The following PAPOLG variants were observed in gnomAD, a reference collection of about 807,000 sequenced individuals.
The protein encoded by PAPOLG is poly(A) polymerase gamma, also known as PAP-gamma.
A neutral mutation model predicts 99.0 loss-of-function variants in PAPOLG; 40 were observed. That is an observed-to-expected ratio of 0.40 (90% CI 0.31 to 0.53). PAPOLG has a LOEUF of 0.53. Ranked by LOEUF, PAPOLG falls within the 20% of genes least tolerant of loss-of-function variation. The pLI is 0.41. For missense variants in PAPOLG, 675 were observed against 884.1 expected, an observed-to-expected ratio of 0.76 and a Z score of 3.00; for synonymous variants, 310 against 299.3, an observed-to-expected ratio of 1.04 and a Z score of -0.37.
chr2:60,785,836 C>T (rs1305666028), intron 13 of PAPOLG, among the ~76,000 whole-genome samples: 1 of 151,872 alleles, frequency 6.6e-6, no homozygotes, highest in Admixed American at 6.6e-5. Flanking sequence ...CCTGGCCTAG[C>T]CTAGCCTTAG....
At chr2:60,788,981 G>T (rs931213578) in intron 15 of PAPOLG, among the ~76,000 whole-genome samples, 1 of 152,146 alleles carries the variant, frequency 6.6e-6, no homozygotes. Flanking sequence ...GTGACAAAGT[G>T]AGATACTATG....
At chr2:60,779,552 C>G in intron 8 of PAPOLG, 85 bp from the exon 9 acceptor site, 2 of 1,398,070 alleles carry the variant, frequency 1.4e-6, no homozygotes, top group Non-Finnish European at 1.9e-6. Flanking sequence ...CACGGATATT[C>G]ATTCACCTTG....
At position 60,797,155 on chromosome 2, in the gene PAPOLG, C is replaced by T. The variant is rs751102317; in HGVS notation, c.2206C>T (p.Arg736Trp). ...IKNSIRLTLNR is the reference protein window; with the variant it reads ...IKNSIRLTLNW Reference sequence around the variant, plus strand: ...AAATTCCATTCGACTGACCCTTAATCGGTAAAAGCAGTGCCTCCTCACTTA... The same window carrying T: ...AAATTCCATTCGACTGACCCTTAATTGGTAAAAGCAGTGCCTCCTCACTTA... The change falls in exon 22 of 22, where the codon CGG (arginine) becomes TGG (tryptophan). Residue 736 changes from arginine (R) to tryptophan (W), a missense_variant. Arg to Trp is a moderately radical substitution (Grantham distance 101). This residue lies in a region of PAPOLG where 413 missense variants were observed against 460.5 expected (regional missense o/e 0.90). Transcript: ENST00000238714. 6.2e-6 allele frequency: 10 copies of T among 1,613,894 alleles called. No individual in the cohort carries two copies. Among genetic ancestry groups the T allele is most frequent in the East Asian group, 4.5e-5 (2 of 44,880 alleles).
intron 13 of PAPOLG, 180 bp from the exon 14 acceptor site, chr2:60,786,767 C>T (rs1024116873): frequency 1.4e-4 from 32 of 228,792 alleles, no homozygotes; most frequent in Middle Eastern, 2.1e-3. Flanking sequence ...TGACCTCAGG[C>T]GATTCACCCA....
Position 60,795,395 on chromosome 2 carries a change from C to A in PAPOLG, c.2112+375C>A, listed in dbSNP as rs763270025. 60 of 417,270 alleles carry A rather than the reference C, an allele frequency of 1.4e-4. No individual in the cohort carries two copies. In the Middle Eastern group the frequency reaches 1.7e-3, roughly 12 times the overall value. The allele number at this position is 417,270 out of a possible 1,614,324, so 25.8% of individuals were successfully genotyped here. A position where few individuals can be genotyped will look rare whatever the true frequency, so the allele number is the denominator to read the frequency against. Reference sequence around the variant, plus strand: ...AAAACATAGGTTTGATAATTAGGAACCATATGTATTAATATTTTAGAGGAA... The same window carrying A: ...AAAACATAGGTTTGATAATTAGGAAACATATGTATTAATATTTTAGAGGAA... On this transcript the variant is annotated intron_variant, in intron 21 of 21. Coordinates refer to ENST00000238714, the MANE Select transcript of PAPOLG (RefSeq NM_022894.4).
At chr2:60,780,463 A>G (rs536239996) in intron 9 of PAPOLG, among the ~76,000 whole-genome samples, 2 of 152,114 alleles carry the variant, frequency 1.3e-5, no homozygotes, top group South Asian at 2.1e-4. Flanking sequence ...TTTAGTAGAG[A>G]CAGGATTTCT....
chr2:60,757,983 G>C (rs561864750), intron 1 of PAPOLG, among the ~76,000 whole-genome samples: 81 of 152,316 alleles, frequency 5.3e-4, no homozygotes, highest in Non-Finnish European at 4.7e-4. Flanking sequence ...AGAGAGGAGA[G>C]AATGGAGTAG....
chr2:60,763,564 C>G (rs571328328), intron 3 of PAPOLG, among the ~76,000 whole-genome samples: 95 of 152,252 alleles, frequency 6.2e-4, no homozygotes, highest in Non-Finnish European at 4.7e-4. Flanking sequence ...AGTGCAGTGG[C>G]GAGATCTCAG....
intron 3 of PAPOLG, among the ~76,000 whole-genome samples, chr2:60,764,547 T>C (rs1196002527): frequency 6.6e-6 from 1 of 151,648 alleles, no homozygotes; most frequent in African/African-American, 2.4e-5. Context: ...CACCTCAGCC[T>C]CCCTAGTAGC....
At chr2:60,761,855 C>T (rs1299324116) in intron 3 of PAPOLG, 48 bp downstream of exon 3, 2 of 1,350,710 alleles carry the variant, frequency 1.5e-6, no homozygotes, top group Non-Finnish European at 2.1e-6. Context: ...ATATCTTGGC[C>T]ATTCATCCTG....
chr2:60,792,131 A>G lies in PAPOLG; in HGVS notation c.1521A>G (p.Gln507=). The change falls in exon 17 of 22, where the codon CAA becomes CAG. Residue 507 remains glutamine, a splice_region_variant and synonymous_variant. Transcript: ENST00000238714. ...PAEILQKKKK[Q]SLSDVNRSSG... Reference sequence around the variant, plus strand: ...CTAAAATCGTTCCCTTCTTTCAGCAAAGTCTCTCTGATGTCAATCGAAGCT... The same window carrying G: ...CTAAAATCGTTCCCTTCTTTCAGCAGAGTCTCTCTGATGTCAATCGAAGCT... 5 of 1,574,204 alleles carry G rather than the reference A, an allele frequency of 3.2e-6. No homozygotes were observed. The highest frequency in any genetic ancestry group is 2.4e-5 in the South Asian group (2 of 84,664).
chr2:60,774,221 C>T (rs1670943928), intron 7 of PAPOLG, among the ~76,000 whole-genome samples: 1 of 149,730 alleles, frequency 6.7e-6, no homozygotes, highest in South Asian at 2.1e-4. Flanking sequence ...TGATTGACTG[C>T]CAAGGTACCT....
rs529614558 is a variant in PAPOLG, at chr2:60,800,656, T to C, written c.*3496T>C. ...TCCACTATGTTCCACACCTTTGAAA[T>C]AGGAATTCCTAACTTGAGAATCATG... On this transcript the variant is annotated 3_prime_UTR_variant, in exon 22 of 22. Coordinates refer to ENST00000238714, the MANE Select transcript of PAPOLG (RefSeq NM_022894.4). 3.4e-4 allele frequency: 52 copies of C among 152,424 alleles called. No individual in the cohort carries two copies. The highest frequency in any genetic ancestry group is 1.3e-3 in the African/African-American group (52 of 41,556). The allele number at this position is 152,424 out of a possible 1,614,324, so 9.4% of individuals were successfully genotyped here.
intron 13 of PAPOLG, 28 bp from the exon 14 acceptor site, chr2:60,786,919 G>C: frequency 6.3e-7 from 1 of 1,596,894 alleles, no homozygotes; most frequent in Non-Finnish European, 8.5e-7. Flanking sequence ...GTGGACATAA[G>C]ATAAATTGTG....
chr2:60,771,117 C>T (rs1166202322), intron 6 of PAPOLG, among the ~76,000 whole-genome samples: 3 of 152,176 alleles, frequency 2.0e-5, no homozygotes, highest in Admixed American at 1.3e-4. Flanking sequence ...ACTTTCTGTT[C>T]TTTGTCCTAG....
At position 60,788,265 on chromosome 2, in the gene PAPOLG, C is replaced by T. The variant is rs368352563; in HGVS notation, c.1396+645C>T. Among the ~76,000 whole-genome samples the T allele has an allele frequency of 3.3e-5, 5 of 152,220 alleles. No homozygotes were observed. The South Asian group carries it at 8.3e-4, about 25-fold the overall frequency. On this transcript the variant is annotated intron_variant, in intron 15 of 21. Transcript: ENST00000238714. ...TAGGTCAGGGTACAGGATAAGGAGA[C>T]ATCACTGAATACTCTTCAACGCTTT...
rs569694496 is a variant in PAPOLG at position 60,764,502 on chromosome 2, C to T, written c.246+2695C>T. Reference sequence around the variant, plus strand: ...CGCGATCTCAGCTCACTGCAACCTCCGCCTCCCAGGCTCCAGCAGTCCTCC... The same window carrying T: ...CGCGATCTCAGCTCACTGCAACCTCTGCCTCCCAGGCTCCAGCAGTCCTCC... On this transcript the variant is annotated intron_variant, in intron 3 of 21. Transcript: ENST00000238714. Among the ~76,000 whole-genome samples the T allele has an allele frequency of 5.3e-5, 8 of 151,922 alleles. No individual in the cohort carries two copies. In the South Asian group the frequency reaches 8.3e-4, roughly 16 times the overall value.
At position 60,777,434 on chromosome 2, in the gene PAPOLG, C is replaced by T. The variant is rs189567461; in HGVS notation, c.695-2203C>T. ...TGGCACCACTGCACTCCAGCCTGGG[C>T]GACAGAGCAAGACTCCGTCTCAAAA... On this transcript the variant is annotated intron_variant, in intron 8 of 21. Transcript: ENST00000238714. 2.7e-3 allele frequency among the ~76,000 whole-genome samples: 411 copies of T among 152,126 alleles called. 3 individuals carry two copies. The highest frequency in any genetic ancestry group is 4.7e-3 in the Non-Finnish European group (321 of 67,994).
At position 60,756,315 on chromosome 2, in the gene PAPOLG, G is replaced by A; in HGVS notation, c.-164G>A. 2 of 805,994 alleles carry A rather than the reference G, an allele frequency of 2.5e-6. No homozygotes were observed. Among genetic ancestry groups the A allele is most frequent in the East Asian group, 2.6e-5 (1 of 38,062 alleles). 49.9% of individuals were successfully genotyped at this position (805,994 alleles called of 1,614,324 possible). On this transcript the variant is annotated 5_prime_UTR_variant, in exon 1 of 22. The change creates a new upstream start codon in the 5' untranslated region. Transcript: ENST00000238714. ...TGTCATAAATAGAGCCGGTTTTGTG[G>A]TGTTTTCACTACTCGGTTGGATGCC...
Sources: allele counts gnomAD v4.1 joint callset (sites outside exome capture counted in the v4.1 genomes callset), GRCh38; gene constraint gnomAD v4.1.1; regional missense constraint gnomAD v4.1.1; transcripts MANE v1.5; gene names NCBI Gene and HGNC (gene_info 2026-07-23, HGNC 2026-07-21).